NELL2: variants seen among roughly 807,000 people sequenced by gnomAD.
NELL2 encodes the protein protein kinase C-binding protein NELL2.
In NELL2, 41 loss-of-function variants were observed where a neutral mutation model predicts 109.6. The ratio of observed to expected loss-of-function variants is 0.37; its 90% CI spans 0.29 to 0.49. The LOEUF (loss-of-function observed/expected upper bound fraction) is 0.49, where lower values mean the gene tolerates loss of function less well. Ranked by LOEUF, NELL2 falls within the 20% of genes least tolerant of loss-of-function variation. The pLI, the probability that NELL2 is intolerant of heterozygous loss-of-function variation, is 0.98. For missense variants in NELL2, 900 were observed against 1,008.3 expected (o/e 0.89, Z 1.45); for synonymous variants, 355 against 344.7 (o/e 1.03, Z -0.33).
At chr12:44,862,530 TA>T (rs1405582778) in intron 2 of NELL2, among the ~76,000 whole-genome samples, 3 of 152,214 alleles carry the variant, frequency 2.0e-5, no homozygotes, top group Non-Finnish European at 4.4e-5. Context: ...GTTCTGTTAA[TA>T]AATAACTCTA....
intron 13 of NELL2, among the ~76,000 whole-genome samples, chr12:44,628,114 G>T (rs539739727): frequency 6.6e-6 from 1 of 151,552 alleles, no homozygotes; most frequent in African/African-American, 2.4e-5. Flanking sequence ...AATGAGAAAA[G>T]AGGGCTAATA....
rs977967944 is a variant in NELL2, at chr12:44,577,828, C to G, written c.1663+29341G>C. On this transcript the variant is annotated intron_variant, in intron 15 of 19. Transcript: ENST00000429094. ...TCCAACGGAACTAGCAGACCTTGAT[C>G]GTTGCATTTATATAATAGTAATTGC... Among the ~76,000 whole-genome samples, 4 of 152,046 alleles carry G rather than the reference C, an allele frequency of 2.6e-5. No homozygotes were observed. In the East Asian group the frequency reaches 7.7e-4, roughly 29 times the overall value.
chr12:44,733,683 TAA>T (rs1467625086), intron 9 of NELL2, among the ~76,000 whole-genome samples: 3 of 151,664 alleles, frequency 2.0e-5, no homozygotes, highest in African/African-American at 7.3e-5. Flanking sequence ...ACACTTATAT[TAA>T]GAGGGCAGAT....
chr12:44,587,284 A>AAAAAAAAAAAAATATATATATATATAT, intron 15 of NELL2, among the ~76,000 whole-genome samples: 11 of 72,204 alleles, frequency 1.5e-4, no homozygotes, highest in Non-Finnish European at 2.4e-4. Flanking sequence ...AAAAAAAAAA[A>AAAAAAAAAAAAATATATATATATATAT]ATATATATAT....
At chr12:44,781,447 A>G (rs940197705) in intron 3 of NELL2, among the ~76,000 whole-genome samples, 20 of 152,118 alleles carry the variant, frequency 1.3e-4, no homozygotes, top group African/African-American at 4.8e-4. Context: ...GAAAGAGAGG[A>G]GAAAGGAGGC....
At chr12:44,868,119 CAAAAAAAAAAAAA>C (rs34038469) in intron 2 of NELL2, among the ~76,000 whole-genome samples, 2 of 64,672 alleles carry the variant, frequency 3.1e-5, no homozygotes, top group East Asian at 4.8e-4. Flanking sequence ...GGCTCCATCT[CAAAAAAAAAAAAA>C]AAAAAAAAAA....
chr12:44,651,979 G>T (rs1272916684), intron 13 of NELL2, among the ~76,000 whole-genome samples: 2 of 152,210 alleles, frequency 1.3e-5, no homozygotes, highest in South Asian at 4.2e-4. Flanking sequence ...TGAAAATCTG[G>T]CTGGAAATCC....
intron 12 of NELL2, among the ~76,000 whole-genome samples, chr12:44,699,042 T>C (rs933714063): frequency 2.6e-5 from 4 of 152,118 alleles, no homozygotes; most frequent in Non-Finnish European, 5.9e-5. Context: ...GGATAGAAGA[T>C]ATAGTCAAAA....
intron 15 of NELL2, among the ~76,000 whole-genome samples, chr12:44,585,694 T>C (rs1944468569): frequency 6.6e-6 from 1 of 151,924 alleles, no homozygotes; most frequent in African/African-American, 2.4e-5. Flanking sequence ...GCACAGCATA[T>C]GGGTGTGAAT....
At chr12:44,721,322 C>T (rs192613217) in intron 9 of NELL2, among the ~76,000 whole-genome samples, 3 of 151,976 alleles carry the variant, frequency 2.0e-5, no homozygotes, top group Admixed American at 2.0e-4. Flanking sequence ...AGTCCTCTGA[C>T]AATATGAAAA....
At chr12:44,656,646 T>C (rs528262815) in intron 13 of NELL2, among the ~76,000 whole-genome samples, 3 of 152,362 alleles carry the variant, frequency 2.0e-5, no homozygotes, top group Non-Finnish European at 4.4e-5. Flanking sequence ...AAAGCTGATA[T>C]GCATATTTCC....
At chr12:44,564,993 T>G (rs1338261552) in intron 15 of NELL2, among the ~76,000 whole-genome samples, 3 of 152,134 alleles carry the variant, frequency 2.0e-5, no homozygotes, top group Non-Finnish European at 2.9e-5. Context: ...ATCAGAATCC[T>G]CTGAGGATGC....
intron 12 of NELL2, among the ~76,000 whole-genome samples, chr12:44,680,629 A>G (rs1948464765): frequency 6.6e-6 from 1 of 152,062 alleles, no homozygotes; most frequent in Non-Finnish European, 1.5e-5. Context: ...AATGCTTCAC[A>G]CTCATTAAAG....
At chr12:44,791,857 G>A (rs1280819821) in intron 3 of NELL2, among the ~76,000 whole-genome samples, 1 of 151,912 alleles carries the variant, frequency 6.6e-6, no homozygotes, top group Non-Finnish European at 1.5e-5. Context: ...AGTCTGAGGT[G>A]AACAGAGGTC....
intron 1 of NELL2, chr12:44,881,918 T>C (rs964282753): frequency 6.6e-6 from 1 of 151,802 alleles, no homozygotes; most frequent in Non-Finnish European, 1.5e-5. Context: ...GCATTACATA[T>C]AGGGAAACAA....
chr12:44,774,540 A>C (rs1402116241), intron 9 of NELL2: 2 of 544,620 alleles, frequency 3.7e-6, no homozygotes, highest in Non-Finnish European at 6.5e-6. Context: ...GATTACTCCA[A>C]GAAAAAATTG....
At chr12:44,916,284 G>A (rs1945828368), upstream of NELL2, among the ~76,000 whole-genome samples, 1 of 152,108 alleles carries the variant, frequency 6.6e-6, no homozygotes, top group African/African-American at 2.4e-5. Context: ...GAAGTCAAAT[G>A]AGGCAAAGAA....
upstream of NELL2, among the ~76,000 whole-genome samples, chr12:44,880,042 A>G (rs1449757943): frequency 6.6e-6 from 1 of 151,764 alleles, no homozygotes; most frequent in Non-Finnish European, 1.5e-5. Context: ...CTGTGCAATA[A>G]TAATAATAAT....
chr12:44,540,611 A>AGT lies in NELL2; in HGVS notation c.1664-7892_1664-7891dup, dbSNP rs550499539. Among the ~76,000 whole-genome samples, 765 of 152,176 alleles carry AGT rather than the reference A, an allele frequency of 5.0e-3. 6 individuals are homozygous for AGT. Among genetic ancestry groups the AGT allele is most frequent in the Non-Finnish European group, 6.5e-3 (445 of 68,006 alleles). Reference sequence around the variant, plus strand: ...GCAAGCAGTTACCCTCAAAGGGCAGAGTGAATGTTTGTTTTTTTCCTGCAA... The same window carrying AGT: ...GCAAGCAGTTACCCTCAAAGGGCAGAGTGTGAATGTTTGTTTTTTTCCTGCAA... On this transcript the variant is annotated intron_variant, in intron 15 of 19. Transcript: ENST00000429094.
Sources: allele counts gnomAD v4.1 joint callset (sites outside exome capture counted in the v4.1 genomes callset), GRCh38; gene constraint gnomAD v4.1.1; transcripts MANE v1.5; gene names NCBI Gene and HGNC (gene_info 2026-07-23, HGNC 2026-07-21).